EYA3: variants seen among roughly 807,000 people sequenced by gnomAD.
EYA3 encodes the protein EYA transcriptional coactivator and phosphatase 3.
In EYA3, 39 loss-of-function variants were observed where a neutral mutation model predicts 80.0. The observed-to-expected ratio is 0.49, with a 90% CI of 0.38 to 0.64. The LOEUF (loss-of-function observed/expected upper bound fraction) is 0.64. EYA3 is among the 30% of genes least tolerant of loss of function. The pLI, the probability that EYA3 is intolerant of heterozygous loss-of-function variation, is 0.00. For synonymous variants in EYA3, 206 were observed against 232.8 expected (o/e 0.88, Z 1.05); for missense variants, 523 against 676.1 (o/e 0.77, Z 2.51).
rs145297204 is a variant in EYA3 at position 28,064,841 on chromosome 1, C to T, written c.-68-6747G>A. ...TCAAATTTTGTCTCCACAACTAAGA[C>T]GCAGGTGGTATTATCATCCTCATGC... On this transcript the variant is annotated intron_variant, in intron 1 of 17. Coordinates refer to ENST00000373871, the MANE Select transcript of EYA3 (RefSeq NM_001990.4). Among the ~76,000 whole-genome samples, 402 of 152,136 alleles carry T rather than the reference C, an allele frequency of 2.6e-3. 2 individuals are homozygous for T. The highest frequency in any genetic ancestry group is 3.3e-3 in the South Asian group (16 of 4,806).
At chr1:28,078,511 T>C (rs1645303757) in intron 1 of EYA3, among the ~76,000 whole-genome samples, 1 of 152,130 alleles carries the variant, frequency 6.6e-6, no homozygotes, top group South Asian at 2.1e-4. Context: ...TCAGGTACCG[T>C]TCTAAGTACT....
At chr1:28,044,583 A>G (rs1643932912) in intron 3 of EYA3, among the ~76,000 whole-genome samples, 1 of 152,198 alleles carries the variant, frequency 6.6e-6, no homozygotes, top group African/African-American at 2.4e-5. Flanking sequence ...ATATATCTGG[A>G]AAGATAATGC....
chr1:28,046,844 C>T (rs78516066), intron 3 of EYA3, among the ~76,000 whole-genome samples: 5 of 144,966 alleles, frequency 3.4e-5, no homozygotes, highest in African/African-American at 7.6e-5. Context: ...ATTTTTCTTT[C>T]TTTTTTTTTT....
intron 1 of EYA3, among the ~76,000 whole-genome samples, chr1:28,078,640 G>A (rs1376595135): frequency 6.6e-6 from 1 of 152,106 alleles, no homozygotes; most frequent in South Asian, 2.1e-4. Flanking sequence ...CCACCTCCCA[G>A]GTTTAGCAAT....
chr1:28,020,566 C>G (rs1642361334), intron 7 of EYA3, among the ~76,000 whole-genome samples: 1 of 151,690 alleles, frequency 6.6e-6, no homozygotes, highest in Non-Finnish European at 1.5e-5. Context: ...ACCATAGAAC[C>G]CAAGGCAAAC....
chr1:28,063,780 G>A (rs1644729350), intron 1 of EYA3, among the ~76,000 whole-genome samples: 1 of 152,190 alleles, frequency 6.6e-6, no homozygotes, highest in African/African-American at 2.4e-5. Context: ...AGGAAGATGA[G>A]AACGTTTAAT....
At chr1:28,077,623 G>A (rs894242544) in intron 1 of EYA3, among the ~76,000 whole-genome samples, 2 of 151,702 alleles carry the variant, frequency 1.3e-5, no homozygotes, top group Non-Finnish European at 2.9e-5. Context: ...TGTAGTGGGT[G>A]TTAACAAGTG....
intron 7 of EYA3, among the ~76,000 whole-genome samples, chr1:28,021,456 C>G (rs1342165021): frequency 6.6e-6 from 1 of 152,130 alleles, no homozygotes; most frequent in Non-Finnish European, 1.5e-5. Context: ...CCCCACTAGT[C>G]TGTAAGCTCC....
At chr1:28,043,832 T>C (rs748100564) in intron 3 of EYA3, among the ~76,000 whole-genome samples, 26 of 152,148 alleles carry the variant, frequency 1.7e-4, no homozygotes, top group Non-Finnish European at 3.2e-4. Flanking sequence ...AGTGAGACTC[T>C]GTCTCAAAAA....
At chr1:27,982,339 TCTGA>T (rs1639362662) in intron 16 of EYA3, among the ~76,000 whole-genome samples, 1 of 151,820 alleles carries the variant, frequency 6.6e-6, no homozygotes, top group Admixed American at 6.6e-5. Context: ...AGAGATGGGG[TCTGA>T]CTATGTTGTC....
intron 3 of EYA3, among the ~76,000 whole-genome samples, chr1:28,046,939 C>G (rs947017269): frequency 6.6e-6 from 1 of 151,530 alleles, no homozygotes; most frequent in African/African-American, 2.4e-5. Context: ...CTTCTGGCCC[C>G]TGGGCTCAAG....
chr1:28,047,763 T>C (rs1432871888), intron 3 of EYA3, among the ~76,000 whole-genome samples: 4 of 151,526 alleles, frequency 2.6e-5, no homozygotes, highest in African/African-American at 4.9e-5. Flanking sequence ...CTCAGCCTCC[T>C]GAGTAGCTGG....
chr1:28,011,101 T>G lies in EYA3; in HGVS notation c.770-15A>C. 6.2e-7 allele frequency: 1 copy of G among 1,609,858 alleles called. No individual in the cohort carries two copies. Among genetic ancestry groups the G allele is most frequent in the Non-Finnish European group, 8.5e-7 (1 of 1,178,652 alleles). On this transcript the variant is annotated splice_polypyrimidine_tract_variant and intron_variant, in intron 9 of 17. Transcript: ENST00000373871. ...AGAAGGGTCTCCTGGAAAGAAAAAG[T>G]GAAACATATGTTGTCAGGAGTCACA...
At position 27,993,516 on chromosome 1, in the gene EYA3, C is replaced by T. The variant is rs917887197; in HGVS notation, c.1187G>A (p.Ser396Asn). The change falls in exon 14 of 18, where the codon AGT becomes AAT. Residue 396 changes from serine (S) to asparagine (N), a missense_variant. Ser to Asn is a conservative substitution (Grantham distance 46, BLOSUM62 1). This residue lies in a region of EYA3 where 219 missense variants were observed against 332.8 expected (regional missense o/e 0.66). Transcript: ENST00000373871. ...STDGFSGSGG[S>N]GSHGSSVGVQ... is the part of the protein sequence containing the mutation. ...ACCCACAGATGAACCATGGCTGCCA[C>T]TACCTCCTGAGCCACTGAAACCATC... 1 of 1,612,318 alleles carries T rather than the reference C, an allele frequency of 6.2e-7. No individual in the cohort carries two copies. The highest frequency in any genetic ancestry group is 8.5e-7 in the Non-Finnish European group (1 of 1,179,530).
intron 6 of EYA3, among the ~76,000 whole-genome samples, chr1:28,030,347 C>G (rs1420174865): frequency 2.0e-5 from 3 of 152,146 alleles, no homozygotes; most frequent in East Asian, 1.9e-4. Context: ...GGCTGGAGGG[C>G]AGTGGTGCAA....
At chr1:28,034,398 A>AG (rs995821476) in intron 6 of EYA3, among the ~76,000 whole-genome samples, 1 of 152,218 alleles carries the variant, frequency 6.6e-6, no homozygotes, top group Non-Finnish European at 1.5e-5. Flanking sequence ...ATATTCACAG[A>AG]GGGGTCTTTC....
intron 6 of EYA3, among the ~76,000 whole-genome samples, chr1:28,030,935 T>C (rs1020472044): frequency 1.3e-5 from 2 of 152,244 alleles, no homozygotes; most frequent in African/African-American, 2.4e-5. Context: ...TTCAGATTTA[T>C]TGTCATCACT....
At chr1:28,015,780 T>A (rs1642016699) in intron 8 of EYA3, among the ~76,000 whole-genome samples, 1 of 151,900 alleles carries the variant, frequency 6.6e-6, no homozygotes, top group Non-Finnish European at 1.5e-5. Context: ...AATGACCAGA[T>A]TGGGTAAGGT....
At chr1:28,069,005 C>T (rs1050556612) in intron 1 of EYA3, among the ~76,000 whole-genome samples, 10 of 152,064 alleles carry the variant, frequency 6.6e-5, no homozygotes, top group Non-Finnish European at 1.5e-5. Flanking sequence ...CAGGGTTTCA[C>T]CATGTTGGCC....
Sources: allele counts gnomAD v4.1 joint callset (sites outside exome capture counted in the v4.1 genomes callset), GRCh38; gene constraint gnomAD v4.1.1; regional missense constraint gnomAD v4.1.1; transcripts MANE v1.5; gene names NCBI Gene and HGNC (gene_info 2026-07-23, HGNC 2026-07-21).